Variants in KIZ observed in about 807,000 individuals in gnomAD.
KIZ encodes the protein kizuna centrosomal protein.
In KIZ, 68 loss-of-function variants were observed where a neutral mutation model predicts 79.6. The ratio of observed to expected loss-of-function variants is 0.85; its 90% CI spans 0.70 to 1.05. The LOEUF (loss-of-function observed/expected upper bound fraction) is 1.05, where lower values mean the gene tolerates loss of function less well. Ranked by LOEUF, KIZ falls within the 50% of genes least tolerant of loss-of-function variation. KIZ has a pLI of 0.00. For synonymous variants in KIZ, 280 were observed against 281.8 expected (o/e 0.99, Z 0.06); for missense variants, 797 against 800.4 (o/e 1.00, Z 0.05).
intron 9 of KIZ, among the ~76,000 whole-genome samples, chr20:21,220,220 G>A (rs2036458253): frequency 6.6e-6 from 1 of 151,284 alleles, no homozygotes. Flanking sequence ...TACGTGGGCT[G>A]AATCCTGGGA....
intron 4 of KIZ, among the ~76,000 whole-genome samples, chr20:21,157,369 G>A (rs2033435160): frequency 6.6e-6 from 1 of 152,136 alleles, no homozygotes; most frequent in Non-Finnish European, 1.5e-5. Flanking sequence ...TATTACTAGA[G>A]TTTGTTGAGG....
intron 6 of KIZ, among the ~76,000 whole-genome samples, 185 bp downstream of exon 6, chr20:21,163,344 C>G (rs2122708491): frequency 6.6e-6 from 1 of 152,242 alleles, no homozygotes; most frequent in East Asian, 1.9e-4. Context: ...TTCTTTCCTT[C>G]CTCCCTTCCT....
chr20:21,136,878 A>G (rs2122379702), intron 3 of KIZ, among the ~76,000 whole-genome samples: 1 of 152,338 alleles, frequency 6.6e-6, no homozygotes, highest in South Asian at 2.1e-4. Context: ...AATTAGGATT[A>G]AGTATCAGCT....
intron 6 of KIZ, among the ~76,000 whole-genome samples, chr20:21,164,120 G>A (rs1416835000): frequency 6.6e-6 from 1 of 152,150 alleles, no homozygotes; most frequent in African/African-American, 2.4e-5. Context: ...CGTAATGCTG[G>A]TCACCCTTTC....
rs145395690 is a variant in KIZ at position 21,169,513 on chromosome 20, C to G, written c.1352+6354C>G. The stretch of plus-strand genomic sequence containing the variant: ...AAACTAGTTCAACCATTGTGGAAGT[C>G]AGTGTGGCGATTCCTCAGGGATCTA... On this transcript the variant is annotated intron_variant, in intron 6 of 12. Coordinates refer to ENST00000619189, the MANE Select transcript of KIZ (RefSeq NM_018474.6). 2.4e-3 allele frequency among the ~76,000 whole-genome samples: 367 copies of G among 152,296 alleles called. 2 individuals are homozygous for G. Among genetic ancestry groups the G allele is most frequent in the East Asian group, 8.3e-3 (43 of 5,178 alleles).
intron 6 of KIZ, chr20:21,166,427 C>G: frequency 6.3e-7 from 1 of 1,593,452 alleles, no homozygotes; most frequent in Non-Finnish European, 8.6e-7. Flanking sequence ...TTTCCCAGCT[C>G]TGTGGTCATC....
chr20:21,168,461 T>C (rs908060239), intron 6 of KIZ, among the ~76,000 whole-genome samples: 3 of 152,212 alleles, frequency 2.0e-5, no homozygotes, highest in African/African-American at 7.2e-5. Context: ...GAACATTCCA[T>C]GCTCATGGGT....
At chr20:21,228,757 A>G (rs2036735056) in intron 9 of KIZ, among the ~76,000 whole-genome samples, 1 of 152,162 alleles carries the variant, frequency 6.6e-6, no homozygotes, top group Admixed American at 6.5e-5. Flanking sequence ...TGGGGAACCT[A>G]TCCACAGACC....
intron 4 of KIZ, among the ~76,000 whole-genome samples, chr20:21,155,588 A>C (rs1352932315): frequency 6.6e-6 from 1 of 152,192 alleles, no homozygotes; most frequent in East Asian, 1.9e-4. Context: ...GATGAAAAAA[A>C]TGTTCCAAAA....
intron 6 of KIZ, among the ~76,000 whole-genome samples, chr20:21,193,572 A>G: frequency 6.6e-6 from 1 of 152,116 alleles, no homozygotes; most frequent in East Asian, 1.9e-4. Flanking sequence ...TTATAGCGGC[A>G]CTATTCACAA....
At chr20:21,201,319 C>T (rs1156641293) in intron 6 of KIZ, among the ~76,000 whole-genome samples, 1 of 152,128 alleles carries the variant, frequency 6.6e-6, no homozygotes, top group Non-Finnish European at 1.5e-5. Context: ...TCATTATTGT[C>T]TTCTGGAAAA....
At chr20:21,173,806 A>T (rs891228104) in intron 6 of KIZ, among the ~76,000 whole-genome samples, 1 of 152,168 alleles carries the variant, frequency 6.6e-6, no homozygotes, top group African/African-American at 2.4e-5. Flanking sequence ...GGAGATGCTG[A>T]GTAGGCAGAT....
At chr20:21,168,748 G>C (rs1404844150) in intron 6 of KIZ, among the ~76,000 whole-genome samples, 1 of 152,048 alleles carries the variant, frequency 6.6e-6, no homozygotes, top group Non-Finnish European at 1.5e-5. Context: ...TAGACCAATG[G>C]AACAGAAAAG....
At chr20:21,148,511 CA>C (rs1285703147) in intron 4 of KIZ, among the ~76,000 whole-genome samples, 2 of 151,998 alleles carry the variant, frequency 1.3e-5, no homozygotes, top group African/African-American at 2.4e-5. Flanking sequence ...TGTGTCTTAC[CA>C]AAAAGGCACA....
chr20:21,163,664 G>A (rs979326086), intron 6 of KIZ, among the ~76,000 whole-genome samples: 2 of 152,080 alleles, frequency 1.3e-5, no homozygotes, highest in Admixed American at 1.3e-4. Context: ...TCTTCTAATT[G>A]TATATGTAAG....
intron 11 of KIZ, among the ~76,000 whole-genome samples, chr20:21,243,385 A>T (rs1277310764): frequency 6.6e-6 from 1 of 152,150 alleles, no homozygotes; most frequent in Non-Finnish European, 1.5e-5. Context: ...AGGGAAGGAA[A>T]AGATATATTT....
At chr20:21,151,722 A>T (rs2033127858) in intron 4 of KIZ, 1 of 152,206 alleles carries the variant, frequency 6.6e-6, no homozygotes, top group Admixed American at 6.5e-5. Flanking sequence ...TCTTAAAAAA[A>T]AAGTTAGTGC....
chr20:21,155,950 A>G (rs1395676360), intron 4 of KIZ, among the ~76,000 whole-genome samples: 2 of 152,208 alleles, frequency 1.3e-5, no homozygotes, highest in African/African-American at 4.8e-5. Context: ...CAAAGCAACA[A>G]GCATGGTTAG....
At position 21,136,412 on chromosome 20, in the gene KIZ, C is replaced by T; in HGVS notation, c.175C>T (p.Leu59=). 3 of 1,543,200 alleles carry T rather than the reference C, an allele frequency of 1.9e-6. No homozygotes were observed. The highest frequency in any genetic ancestry group is 1.8e-6 in the Non-Finnish European group (2 of 1,133,594). ...TCRVKLKYVK[L]KNYLKEICES... ...TAGAGTTAAGCTGAAATATGTAAAA[C>T]TAAAGAATTATCTGAAGGAAATATG... The change falls in exon 3 of 13, where the codon CTA becomes TTA. Residue 59 remains leucine (L), a synonymous_variant. Coordinates refer to ENST00000619189, the MANE Select transcript of KIZ (RefSeq NM_018474.6).
Sources: allele counts gnomAD v4.1 joint callset (sites outside exome capture counted in the v4.1 genomes callset), GRCh38; gene constraint gnomAD v4.1.1; transcripts MANE v1.5; gene names NCBI Gene and HGNC (gene_info 2026-07-23, HGNC 2026-07-21).